Variants in S100Z observed in about 807,000 individuals in gnomAD.
S100Z encodes the protein protein S100-Z.
A neutral mutation model predicts 8.5 loss-of-function variants in S100Z; 11 were observed. The observed-to-expected ratio is 1.30, with a 90% CI of 0.82 to 2.15. The LOEUF (loss-of-function observed/expected upper bound fraction) is 2.15, where lower values mean the gene tolerates loss of function less well. Ranked by LOEUF, S100Z falls within the 30% of genes most tolerant of loss-of-function variation. S100Z has a pLI of 0.00. For synonymous variants in S100Z, 34 were observed against 43.8 expected, an observed-to-expected ratio of 0.78 and a Z score of 0.89; for missense variants, 126 against 117.9, an observed-to-expected ratio of 1.07 and a Z score of -0.32.
the S100Z span, among the ~76,000 whole-genome samples, chr5:76,934,269 T>A: frequency 1.3e-5 from 2 of 152,186 alleles, no homozygotes; most frequent in African/African-American, 2.4e-5. Flanking sequence ...ACTAAGATAA[T>A]CCTTCTAAAC....
chr5:76,870,542 A>T (rs1291979618), intron 2 of S100Z, among the ~76,000 whole-genome samples: 1 of 152,036 alleles, frequency 6.6e-6, no homozygotes, highest in Non-Finnish European at 1.5e-5. Flanking sequence ...CAGGATGTAG[A>T]CCTTGGTCTA....
rs530235782 is a variant in S100Z, at chr5:76,921,216, T to C, written c.*502T>C. 11 of 152,348 alleles carry C rather than the reference T, an allele frequency of 7.2e-5. No individual in the cohort carries two copies. The South Asian group carries it at 2.3e-3, about 32-fold the overall frequency. 9.4% of individuals were successfully genotyped at this position (152,348 alleles called of 1,614,324 possible). On this transcript the variant is annotated 3_prime_UTR_variant, in exon 5 of 5. Transcript: ENST00000317593. ...CTATATAGTTCCAGCTTAATAAATA[T>C]ACAACTGTATTATTATTTTTGTCTG...
chr5:76,894,300 A>G (rs1743961092), intron 4 of S100Z, among the ~76,000 whole-genome samples: 9 of 152,164 alleles, frequency 5.9e-5, no homozygotes, highest in Admixed American at 5.9e-4. Context: ...AAACCAATGT[A>G]TTTCTTAAAT....
chr5:76,949,160 G>T, the S100Z span, among the ~76,000 whole-genome samples: 1 of 152,166 alleles, frequency 6.6e-6, no homozygotes, highest in Non-Finnish European at 1.5e-5. Context: ...AGGCCAACGT[G>T]GGCAGATCAC....
At chr5:76,925,709 G>A (rs1281545706), downstream of S100Z, among the ~76,000 whole-genome samples, 1 of 152,124 alleles carries the variant, frequency 6.6e-6, no homozygotes, top group Middle Eastern at 3.2e-3. Flanking sequence ...GCTCATGCCT[G>A]TGATCCCAAC....
At chr5:76,933,579 T>C in the S100Z span, among the ~76,000 whole-genome samples, 1 of 152,178 alleles carries the variant, frequency 6.6e-6, no homozygotes, top group South Asian at 2.1e-4. Context: ...TTGTTACATG[T>C]CAGGCCCTGT....
At chr5:76,873,891 T>C (rs982456543) in intron 2 of S100Z, among the ~76,000 whole-genome samples, 1 of 152,226 alleles carries the variant, frequency 6.6e-6, no homozygotes, top group Non-Finnish European at 1.5e-5. Flanking sequence ...TGGAAATCTG[T>C]TGTGGATTCC....
chr5:76,924,828 G>A (rs964584069), downstream of S100Z, among the ~76,000 whole-genome samples: 6 of 151,994 alleles, frequency 3.9e-5, no homozygotes, highest in Admixed American at 1.3e-4. Context: ...TAGGAGAATC[G>A]CTTGAACGCG....
intron 4 of S100Z, among the ~76,000 whole-genome samples, chr5:76,915,198 C>T (rs1174886634): frequency 4.0e-5 from 6 of 150,300 alleles, no homozygotes; most frequent in East Asian, 3.9e-4. Flanking sequence ...CCCAGCTACT[C>T]GGGAGGCTGA....
the S100Z span, among the ~76,000 whole-genome samples, chr5:76,937,604 A>C: frequency 9.2e-5 from 14 of 151,942 alleles, no homozygotes; most frequent in African/African-American, 3.1e-4. Flanking sequence ...ATAAAAAAAA[A>C]TAGCTGGATG....
chr5:76,910,341 CATT>C (rs774447928), intron 4 of S100Z, among the ~76,000 whole-genome samples: 1 of 152,104 alleles, frequency 6.6e-6, no homozygotes, highest in Non-Finnish European at 1.5e-5. Flanking sequence ...AATCTGGAGG[CATT>C]ATTAAACCTG....
At chr5:76,924,147 T>C (rs1700654), downstream of S100Z, among the ~76,000 whole-genome samples, 93,816 of 152,016 alleles carry the variant, frequency 0.62, 29,269 homozygotes, top group Admixed American at 0.65. Context: ...TGGTCCTGTT[T>C]GATTCCCAAA....
chr5:76,871,434 A>G (rs948856828), intron 2 of S100Z, among the ~76,000 whole-genome samples: 7 of 151,498 alleles, frequency 4.6e-5, no homozygotes, highest in African/African-American at 1.7e-4. Flanking sequence ...AGCCCCCTTT[A>G]TCTTAACTCA....
the S100Z span, among the ~76,000 whole-genome samples, chr5:76,928,472 G>A: frequency 1.3e-5 from 2 of 152,174 alleles, no homozygotes; most frequent in Non-Finnish European, 2.9e-5. Flanking sequence ...AATAAAAAAG[G>A]CTTGTATGGA....
downstream of S100Z, among the ~76,000 whole-genome samples, chr5:76,926,100 C>T (rs975582851): frequency 5.9e-5 from 9 of 152,010 alleles, no homozygotes; most frequent in African/African-American, 2.2e-4. Context: ...AATTACTGGG[C>T]AGAGCAGAGG....
At chr5:76,918,797 T>C (rs941221424) in intron 4 of S100Z, among the ~76,000 whole-genome samples, 1 of 152,252 alleles carries the variant, frequency 6.6e-6, no homozygotes, top group African/African-American at 2.4e-5. Flanking sequence ...TGTTACAGTA[T>C]GATACACAAT....
intron 4 of S100Z, among the ~76,000 whole-genome samples, chr5:76,919,663 G>C (rs1218139217): frequency 3.3e-5 from 5 of 149,772 alleles, no homozygotes; most frequent in Non-Finnish European, 7.4e-5. Context: ...CCAGGCTGTA[G>C]GGTAGTGATC....
chr5:76,926,519 G>A (rs1745139510), downstream of S100Z, among the ~76,000 whole-genome samples: 2 of 152,246 alleles, frequency 1.3e-5, no homozygotes, highest in South Asian at 4.1e-4. Flanking sequence ...TGCTCCTCAG[G>A]ATCTGCTGTG....
intron 4 of S100Z, among the ~76,000 whole-genome samples, chr5:76,878,580 G>A (rs529169680): frequency 7.9e-5 from 12 of 152,232 alleles, no homozygotes; most frequent in East Asian, 3.9e-4. Flanking sequence ...ACTTCTACAC[G>A]AACCCTGGCC....
Sources: allele counts gnomAD v4.1 joint callset (sites outside exome capture counted in the v4.1 genomes callset), GRCh38; gene constraint gnomAD v4.1.1; transcripts MANE v1.5; gene names NCBI Gene and HGNC (gene_info 2026-07-23, HGNC 2026-07-21).